Variants in UGGT2 observed in about 807,000 individuals in gnomAD.
UGGT2 encodes UDP-glucose:glycoprotein glucosyltransferase 2.
Under a neutral mutation model 192.1 loss-of-function variants are expected in UGGT2, and 180 were observed. The observed-to-expected ratio is 0.94, with a 90% CI of 0.83 to 1.06. The LOEUF (loss-of-function observed/expected upper bound fraction) is 1.06. Among genes scored for constraint, UGGT2 ranks in the 50% least tolerant of loss-of-function variants. The pLI is 0.00. For synonymous variants in UGGT2, 580 were observed against 591.0 expected (o/e 0.98, Z 0.27); for missense variants, 1,849 against 1,795.7 (o/e 1.03, Z -0.54).
intron 22 of UGGT2, 28 bp downstream of exon 22, chr13:95,900,774 TGAGAA>T: frequency 6.3e-7 from 1 of 1,591,652 alleles, no homozygotes; most frequent in Non-Finnish European, 8.5e-7. Flanking sequence ...GCAGTGTCAC[TGAGAA>T]AAGAGAGCAA....
At chr13:95,803,354 G>C (rs1261999251) in intron 38 of UGGT2, among the ~76,000 whole-genome samples, 1 of 151,814 alleles carries the variant, frequency 6.6e-6, no homozygotes, top group Admixed American at 6.6e-5. Context: ...TCCGCCTCCC[G>C]GGTTCAAGCA....
At chr13:95,872,703 T>C (rs1156839493) in intron 29 of UGGT2, among the ~76,000 whole-genome samples, 3 of 152,166 alleles carry the variant, frequency 2.0e-5, no homozygotes, top group Non-Finnish European at 2.9e-5. Context: ...TGTCTGTGAA[T>C]GAGAAAAAAC....
chr13:95,857,048 G>A (rs1489728169), intron 33 of UGGT2, among the ~76,000 whole-genome samples: 1 of 151,966 alleles, frequency 6.6e-6, no homozygotes, highest in Non-Finnish European at 1.5e-5. Context: ...TAGAATTTGC[G>A]TTTTACCACT....
In UGGT2 at chr13:95,990,038, G is replaced by T; in HGVS notation, c.866C>A (p.Ala289Glu). ...ACTCTCAATCAGGTATTTTTGGAAT[G>T]CTGTCAGATTATCTCTAAGATCTGA... ...IYSDLRDNLT[A>E]FQKYLIESNK... Residue 289 changes from alanine (A) to glutamate (E), a missense_variant, in exon 8 of 39, where the codon GCA becomes GAA. Physicochemically the swap from Ala to Glu is moderately radical, Grantham distance 107. Coordinates refer to ENST00000376747, the MANE Select transcript of UGGT2 (RefSeq NM_020121.4). 6.2e-7 allele frequency: 1 copy of T among 1,604,492 alleles called. No homozygotes were observed. Among genetic ancestry groups the T allele is most frequent in the Non-Finnish European group, 8.5e-7 (1 of 1,175,214 alleles).
chr13:95,844,198 G>A (rs1189220253), intron 36 of UGGT2, among the ~76,000 whole-genome samples: 1 of 152,156 alleles, frequency 6.6e-6, no homozygotes, highest in Non-Finnish European at 1.5e-5. Flanking sequence ...CTGACCTCAA[G>A]TGATCCACCT....
intron 38 of UGGT2, among the ~76,000 whole-genome samples, chr13:95,811,743 G>A (rs1037085803): frequency 6.6e-6 from 1 of 152,036 alleles, no homozygotes; most frequent in African/African-American, 2.4e-5. Context: ...GGAAAAAACA[G>A]AAGTATAAGG....
In UGGT2 at chr13:95,935,524, G is replaced by A. The variant is rs148377245; in HGVS notation, c.1977+1400C>T. On this transcript the variant is annotated intron_variant, in intron 17 of 38. Transcript: ENST00000376747. ...TTGTTAGTTTGATGGGGTTCCCTTC[G>A]TATGTGATCTGCCTTTTTTCTCTAG... is the stretch of plus-strand genomic sequence containing the variant. Among the ~76,000 whole-genome samples the A allele has an allele frequency of 1.4e-3, 217 of 152,234 alleles. 1 individual carries two copies. The highest frequency in any genetic ancestry group is 5.0e-3 in the African/African-American group (209 of 41,554).
chr13:95,834,796 C>T (rs1032357680), intron 37 of UGGT2, among the ~76,000 whole-genome samples: 3 of 152,116 alleles, frequency 2.0e-5, no homozygotes, highest in South Asian at 2.1e-4. Flanking sequence ...GGCCACGTGA[C>T]CAACTCCCAC....
chr13:96,009,913 T>TA (rs2052103028), intron 5 of UGGT2, among the ~76,000 whole-genome samples: 1 of 152,080 alleles, frequency 6.6e-6, no homozygotes, highest in Non-Finnish European at 1.5e-5. Context: ...TACTAATCAT[T>TA]AGAGAAATGC....
chr13:95,974,323 CCTG>C (rs1179416818), intron 10 of UGGT2, among the ~76,000 whole-genome samples: 1 of 152,178 alleles, frequency 6.6e-6, no homozygotes, highest in African/African-American at 2.4e-5. Context: ...ATTTATATTT[CCTG>C]CTGTTTTCCC....
chr13:95,904,788 T>A (rs1421044489), intron 20 of UGGT2, among the ~76,000 whole-genome samples: 1 of 152,082 alleles, frequency 6.6e-6, no homozygotes, highest in African/African-American at 2.4e-5. Context: ...CACCATGATT[T>A]ATAGTCCTTT....
At chr13:95,848,213 A>C (rs1400395429) in intron 36 of UGGT2, among the ~76,000 whole-genome samples, 1 of 152,184 alleles carries the variant, frequency 6.6e-6, no homozygotes, top group Non-Finnish European at 1.5e-5. Flanking sequence ...CTCCTTTATC[A>C]GATGCATCTT....
chr13:95,879,646 A>T (rs1023198886), intron 27 of UGGT2, among the ~76,000 whole-genome samples: 3 of 152,180 alleles, frequency 2.0e-5, no homozygotes, highest in Admixed American at 1.3e-4. Context: ...CATGTGGGCC[A>T]GGCTGGCCTC....
intron 38 of UGGT2, among the ~76,000 whole-genome samples, chr13:95,802,082 T>C (rs756209111): frequency 3.3e-5 from 5 of 152,180 alleles, no homozygotes; most frequent in Non-Finnish European, 7.4e-5. Flanking sequence ...TTACTTATCT[T>C]TGTTATCTTT....
chr13:95,946,908 A>G (rs1447837768), intron 15 of UGGT2, 129 bp downstream of exon 15: 2 of 1,004,192 alleles, frequency 2.0e-6, no homozygotes, highest in Non-Finnish European at 2.8e-6. Flanking sequence ...ATTAATCTCC[A>G]TGACAGTTTA....
In UGGT2 at chr13:95,854,357, C is replaced by A. The variant is rs1594155467; in HGVS notation, c.4127G>T (p.Gly1376Val). 2 of 1,613,690 alleles carry A rather than the reference C, an allele frequency of 1.2e-6. No homozygotes were observed. Among genetic ancestry groups the A allele is most frequent in the East Asian group, 4.5e-5 (2 of 44,820 alleles). ...TCTTAAAAGATGTGATGCCCAGTAT[C>A]CTGTTTTCCAGAAACGATATCCATC... is the stretch of plus-strand genomic sequence containing the variant. ...EMDGYRFWKTGYWASHLLRRK... is the reference protein window; with the variant it reads ...EMDGYRFWKTVYWASHLLRRK... The change falls in exon 35 of 39, where the codon GGA becomes GTA. Residue 1376 changes from glycine (G) to valine (V), a missense_variant. Coordinates refer to ENST00000376747, the MANE Select transcript of UGGT2 (RefSeq NM_020121.4).
Position 95,801,703 on chromosome 13 carries a change from A to C in UGGT2, c.*87T>G, listed in dbSNP as rs948441170. 32 of 1,394,220 alleles carry C rather than the reference A, an allele frequency of 2.3e-5. No homozygotes were observed. The African/African-American group carries it at 3.9e-4, about 17-fold the overall frequency. The allele number at this position is 1,394,220 out of a possible 1,614,324, so 86.4% of individuals were successfully genotyped here. A position where few individuals can be genotyped will look rare whatever the true frequency, so the allele number is the denominator to read the frequency against. ...TGTCACTGATCTTAACGAGACTTCC[A>C]AATCGTCTCAGCAGGGGCTCCAGAC... On this transcript the variant is annotated 3_prime_UTR_variant, in exon 39 of 39. Transcript: ENST00000376747.
At chr13:95,964,276 T>G (rs2050495916) in intron 12 of UGGT2, among the ~76,000 whole-genome samples, 1 of 152,126 alleles carries the variant, frequency 6.6e-6, no homozygotes, top group Non-Finnish European at 1.5e-5. Flanking sequence ...TGCAGAATAA[T>G]GAAGCTAGAC....
At chr13:95,824,529 G>A (rs1184806162) in intron 38 of UGGT2, among the ~76,000 whole-genome samples, 4 of 152,128 alleles carry the variant, frequency 2.6e-5, no homozygotes, top group East Asian at 1.9e-4. Flanking sequence ...TTAATCAAAA[G>A]CCTATCTTTG....
Sources: allele counts gnomAD v4.1 joint callset (sites outside exome capture counted in the v4.1 genomes callset), GRCh38; gene constraint gnomAD v4.1.1; transcripts MANE v1.5; gene names NCBI Gene and HGNC (gene_info 2026-07-23, HGNC 2026-07-21).